WDR12: variants seen among roughly 807,000 people sequenced by gnomAD.
WDR12 encodes WD repeat domain 12.
A neutral mutation model predicts 64.3 loss-of-function variants in WDR12; 42 were observed. The observed-to-expected ratio is 0.65, with a 90% CI of 0.51 to 0.84. WDR12 has a LOEUF of 0.84. Ranked by LOEUF, WDR12 falls within the 40% of genes least tolerant of loss-of-function variation. The pLI is 0.00. For synonymous variants in WDR12, 158 were observed against 173.3 expected, an observed-to-expected ratio of 0.91 and a Z score of 0.70; for missense variants, 469 against 494.6, an observed-to-expected ratio of 0.95 and a Z score of 0.49.
chr2:202,892,644 C>T lies in WDR12; in HGVS notation c.714G>A (p.Gln238=), dbSNP rs1425264567. The T allele has an allele frequency of 6.2e-7, 1 of 1,613,332 alleles. No homozygotes were observed. Among genetic ancestry groups the T allele is most frequent in the Middle Eastern group, 1.7e-4 (1 of 6,042 alleles). Reference sequence around the variant, plus strand: ...TTGTTAGTCCCAACTGTTCTGTCTTCTGTTTCTTTCTTGGTCGATTTGTGG... The same window carrying T: ...TTGTTAGTCCCAACTGTTCTGTCTTTTGTTTCTTTCTTGGTCGATTTGTGG... The part of the protein sequence containing the change: ...EESTNRPRKK[Q]KTEQLGLTRT... The change falls in exon 8 of 13, where the codon CAG becomes CAA. Residue 238 remains glutamine (Q), a synonymous_variant. Transcript: ENST00000261015.
chr2:202,907,217 G>A (rs554909205), intron 2 of WDR12, among the ~76,000 whole-genome samples: 3 of 152,156 alleles, frequency 2.0e-5, no homozygotes, highest in Non-Finnish European at 4.4e-5. Flanking sequence ...AAAGTGCTGG[G>A]ATTACAAACT....
chr2:202,888,529 G>A (rs1574403956), intron 8 of WDR12, among the ~76,000 whole-genome samples: 1 of 152,112 alleles, frequency 6.6e-6, no homozygotes, highest in Admixed American at 6.5e-5. Flanking sequence ...AGGGAAAAAA[G>A]CAATTTTGAG....
rs1361950256 is a variant in WDR12 at position 202,880,562 on chromosome 2, C to T, written c.*298G>A. On this transcript the variant is annotated 3_prime_UTR_variant, in exon 13 of 13. Coordinates refer to ENST00000261015, the MANE Select transcript of WDR12 (RefSeq NM_018256.4). ...GACTCCATCTCAAAAAAAAAAAAAACAAATAAAAATAAAAAAGCAAATCTG... is the reference window on the plus strand; with the variant it reads ...GACTCCATCTCAAAAAAAAAAAAAATAAATAAAAATAAAAAAGCAAATCTG... 1.3e-5 allele frequency: 2 copies of T among 159,928 alleles called. No homozygotes were observed. Among genetic ancestry groups the T allele is most frequent in the Admixed American group, 6.6e-5 (1 of 15,064 alleles). 9.9% of individuals were successfully genotyped at this position (159,928 alleles called of 1,614,324 possible).
chr2:202,907,840 C>A (rs1160568709), intron 2 of WDR12, 25 bp downstream of exon 2: 3 of 1,555,310 alleles, frequency 1.9e-6, no homozygotes, highest in East Asian at 4.5e-5. Flanking sequence ...GGACACTGTG[C>A]CCTCTCCTAA....
intron 12 of WDR12, 101 bp from the exon 13 acceptor site, chr2:202,881,038 G>A: frequency 9.7e-7 from 1 of 1,033,236 alleles, no homozygotes; most frequent in Admixed American, 2.9e-5. Context: ...CATTACAAAA[G>A]GAATTATGGG....
At chr2:202,898,888 G>C (rs1688297958) in intron 4 of WDR12, among the ~76,000 whole-genome samples, 1 of 150,176 alleles carries the variant, frequency 6.7e-6, no homozygotes, top group African/African-American at 2.5e-5. Context: ...GAGGCAGGAG[G>C]ACTGCTTGAG....
chr2:202,880,555 A>C lies in WDR12; in HGVS notation c.*305T>G, dbSNP rs1687931123. 1.2e-5 allele frequency: 2 copies of C among 171,296 alleles called. No homozygotes were observed. The highest frequency in any genetic ancestry group is 1.3e-4 in the Admixed American group (2 of 15,860). The allele number at this position is 171,296 out of a possible 1,614,324, so 10.6% of individuals were successfully genotyped here. On this transcript the variant is annotated 3_prime_UTR_variant, in exon 13 of 13. Coordinates refer to ENST00000261015, the MANE Select transcript of WDR12 (RefSeq NM_018256.4). ...AGAGCAAGACTCCATCTCAAAAAAAAAAAAAACAAATAAAAATAAAAAAGC... is the reference window on the plus strand; with the variant it reads ...AGAGCAAGACTCCATCTCAAAAAAACAAAAAACAAATAAAAATAAAAAAGC...
intron 2 of WDR12, 127 bp downstream of exon 2, chr2:202,907,738 T>C: frequency 1.4e-6 from 1 of 702,634 alleles, no homozygotes; most frequent in Middle Eastern, 4.1e-4. Flanking sequence ...AACCTGTACT[T>C]TATAACTTAC....
At position 202,883,059 on chromosome 2, in the gene WDR12, C is replaced by G. The variant is rs576863960; in HGVS notation, c.1122-276G>C. On this transcript the variant is annotated intron_variant, in intron 11 of 12. Coordinates refer to ENST00000261015, the MANE Select transcript of WDR12 (RefSeq NM_018256.4). ...TAGGCCCATTTTCACACTTCCTTGA[C>G]TACTTTAACCCCCAAACTATGGCCT... Among the ~76,000 whole-genome samples the G allele has an allele frequency of 4.6e-5, 7 of 152,294 alleles. No individual in the cohort carries two copies. In the East Asian group the frequency reaches 1.3e-3, roughly 29 times the overall value.
chr2:202,900,638 G>GT (rs1688332167), intron 3 of WDR12, among the ~76,000 whole-genome samples: 1 of 152,112 alleles, frequency 6.6e-6, no homozygotes, highest in African/African-American at 2.4e-5. Context: ...AAAAATAACA[G>GT]TAACTTAACC....
At chr2:202,886,121 G>C (rs959821023) in intron 8 of WDR12, among the ~76,000 whole-genome samples, 2 of 151,004 alleles carry the variant, frequency 1.3e-5, no homozygotes, top group Non-Finnish European at 3.0e-5. Context: ...TGTAATTTAG[G>C]TTTTTGTGTG....
intron 5 of WDR12, 151 bp downstream of exon 5, chr2:202,897,149 T>A (rs1228803651): frequency 4.1e-6 from 2 of 484,224 alleles, no homozygotes; most frequent in Admixed American, 4.2e-5. Flanking sequence ...ATAATCTTTT[T>A]CTTCTTGAAC....
intron 8 of WDR12, among the ~76,000 whole-genome samples, chr2:202,891,958 A>G (rs189960667): frequency 1.3e-5 from 2 of 152,374 alleles, no homozygotes; most frequent in East Asian, 3.9e-4. Flanking sequence ...ACTTTCGGTT[A>G]TAAGATGAAC....
At chr2:202,906,829 C>T (rs1031237733) in intron 2 of WDR12, among the ~76,000 whole-genome samples, 1 of 152,030 alleles carries the variant, frequency 6.6e-6, no homozygotes, top group Non-Finnish European at 1.5e-5. Context: ...TGTTTCTTTA[C>T]TTTTTAAAAA....
At chr2:202,910,461 TAC>T (rs1688560245) in intron 1 of WDR12, among the ~76,000 whole-genome samples, 1 of 152,026 alleles carries the variant, frequency 6.6e-6, no homozygotes, top group South Asian at 2.1e-4. Flanking sequence ...AGACAGAGGT[TAC>T]AGTGAGCCAA....
chr2:202,907,977 T>C lies in WDR12; in HGVS notation c.42-18A>G. On this transcript the variant is annotated intron_variant, in intron 1 of 12. Coordinates refer to ENST00000261015, the MANE Select transcript of WDR12 (RefSeq NM_018256.4). ...CGGCATATCTATAAAAAGGAAATGA[T>C]ATGTCAAGATCAAGTCTACAGATAT... 6.3e-7 allele frequency: 1 copy of C among 1,598,656 alleles called. No individual in the cohort carries two copies. Among genetic ancestry groups the C allele is most frequent in the African/African-American group, 1.3e-5 (1 of 74,680 alleles).
intron 12 of WDR12, among the ~76,000 whole-genome samples, chr2:202,882,052 CAGGCTCAAGT>C (rs1248580754): frequency 7.9e-5 from 12 of 151,930 alleles, no homozygotes; most frequent in Non-Finnish European, 1.6e-4. Flanking sequence ...CCTCCTGCTT[CAGGCTCAAGT>C]AGGCTCAAGT....
At chr2:202,897,148 T>C in intron 5 of WDR12, 152 bp downstream of exon 5, 1 of 482,904 alleles carries the variant, frequency 2.1e-6, no homozygotes, top group Non-Finnish European at 3.7e-6. Context: ...TATAATCTTT[T>C]TCTTCTTGAA....
At position 202,884,119 on chromosome 2, in the gene WDR12, C is replaced by CT. The variant is rs908074015; in HGVS notation, c.988+78dup. 41 of 1,478,706 alleles carry CT rather than the reference C, an allele frequency of 2.8e-5. 2 individuals carry two copies. The East Asian group carries it at 3.0e-4, about 11-fold the overall frequency. The allele number at this position is 1,478,706 out of a possible 1,614,324, so 91.6% of individuals were successfully genotyped here. ...AGCCACCACGCCTGGCCAGAAATTC[C>CT]TTTTTTTGTACATCTCCAGAGAGAT... On this transcript the variant is annotated intron_variant, in intron 10 of 12. Coordinates refer to ENST00000261015, the MANE Select transcript of WDR12 (RefSeq NM_018256.4).
Sources: gnomAD v4.1 joint callset for allele counts (sites outside exome capture counted in the v4.1 genomes callset) on GRCh38, gnomAD v4.1.1 for gene constraint, MANE v1.5 for transcripts, NCBI Gene and HGNC (gene_info 2026-07-23, HGNC 2026-07-21) for gene names.